The following PRSS27 variants were observed in gnomAD, a reference collection of about 807,000 sequenced individuals.
PRSS27 encodes channel-activating protease 2.
In PRSS27, 25 loss-of-function variants were observed where a neutral mutation model predicts 32.0. The observed-to-expected ratio is 0.78, with a 90% CI of 0.57 to 1.09. PRSS27 has a LOEUF of 1.09. Among genes scored for constraint, PRSS27 ranks in the 50% least tolerant of loss-of-function variants. PRSS27 has a pLI of 0.00. For synonymous variants in PRSS27, 178 were observed against 172.2 expected, an observed-to-expected ratio of 1.03 and a Z score of -0.26; for missense variants, 401 against 394.9, an observed-to-expected ratio of 1.02 and a Z score of -0.13.
intron 3 of PRSS27, 51 bp downstream of exon 3, chr16:2,715,667 G>A (rs2067696425): frequency 6.8e-7 from 1 of 1,478,610 alleles, no homozygotes; most frequent in Non-Finnish European, 9.1e-7. Flanking sequence ...AACCGGTCGC[G>A]CGCGGGGCGC....
rs74375707 is a variant in PRSS27, at chr16:2,719,134, G to A, written c.46+981C>T. Among the ~76,000 whole-genome samples, 405 of 152,304 alleles carry A rather than the reference G, an allele frequency of 2.7e-3. 27 individuals carry two copies. In the East Asian group the frequency reaches 0.073, roughly 27 times the overall value. ...CTCTGGTCACAGCTGTTAGTGAACC[G>A]ACTGCAAAACTCATTGCCAAAGAGT... On this transcript the variant is annotated intron_variant, in intron 1 of 5. Transcript: ENST00000302641.
Position 2,714,423 on chromosome 16 carries a change from C to T in PRSS27, c.237-87G>A, listed in dbSNP as rs759900087. On this transcript the variant is annotated intron_variant, in intron 3 of 5. Coordinates refer to ENST00000302641, the MANE Select transcript of PRSS27 (RefSeq NM_031948.5). The surrounding 1 kb of genome is among the most constrained non-coding windows in gnomAD (Gnocchi z 4.7). ...GGGCTGGGGCTCCTCTGGCCACCAC[C>T]GTGCCCCACACCTCTCTCTGCACAA... is the stretch of plus-strand genomic sequence containing the variant. 12 of 1,433,688 alleles carry T rather than the reference C, an allele frequency of 8.4e-6. No homozygotes were observed. Among genetic ancestry groups the T allele is most frequent in the African/African-American group, 2.8e-5 (2 of 71,678 alleles). The allele number at this position is 1,433,688 out of a possible 1,614,324, so 88.8% of individuals were successfully genotyped here.
In PRSS27 at chr16:2,717,240, C is replaced by T. The variant is rs2142067727; in HGVS notation, c.47-714G>A. 6.6e-6 allele frequency: 1 copy of T among 152,380 alleles called. No individual in the cohort carries two copies. Among genetic ancestry groups the T allele is most frequent in the East Asian group, 1.9e-4 (1 of 5,184 alleles). 9.4% of individuals were successfully genotyped at this position (152,380 alleles called of 1,614,324 possible). A position where few individuals can be genotyped will look rare whatever the true frequency, so the allele number is the denominator to read the frequency against. ...CCCCCTGCTGGGCTGTGCAAGGGGG[C>T]TTTGGAGCGGATAAAGTGAGGGGCC... On this transcript the variant is annotated intron_variant, in intron 1 of 5. Transcript: ENST00000302641. This position sits in a 1 kb window ranked among gnomAD's most constrained non-coding sequence, Gnocchi z 4.1.
At chr16:2,718,530 G>A (rs1350275148) in intron 1 of PRSS27, 1 of 152,048 alleles carries the variant, frequency 6.6e-6, no homozygotes, top group Non-Finnish European at 1.5e-5. Flanking sequence ...TGTTTGCCAG[G>A]ATAGTCTCGA....
chr16:2,712,683 G>C lies in PRSS27; in HGVS notation c.810C>G (p.Asn270Lys), dbSNP rs371709843. 1.3e-6 allele frequency: 2 copies of C among 1,599,358 alleles called. No homozygotes were observed. The highest frequency in any genetic ancestry group is 1.7e-6 in the Non-Finnish European group (2 of 1,172,966). ...GTTTGGGGATGATCCGATGGATCCAGTTGTGGTGGGCGGTGACACGGATGT... is the reference window on the plus strand; with the variant it reads ...GTTTGGGGATGATCCGATGGATCCACTTGTGGTGGGCGGTGACACGGATGT... ...GVYIRVTAHHNWIHRIIPKLQ... is the reference protein window; with the variant it reads ...GVYIRVTAHHKWIHRIIPKLQ... Residue 270 changes from asparagine to lysine, a missense_variant, in exon 6 of 6, where the codon AAC (asparagine) becomes AAG (lysine). Asn to Lys is a moderately conservative substitution (Grantham distance 94, BLOSUM62 0). Coordinates refer to ENST00000302641, the MANE Select transcript of PRSS27 (RefSeq NM_031948.5). This position sits in a 1 kb window ranked among gnomAD's most constrained non-coding sequence, Gnocchi z 4.6.
Position 2,712,524 on chromosome 16 carries a change from C to T in PRSS27, c.*96G>A. 9.6e-7 allele frequency: 1 copy of T among 1,044,540 alleles called. No homozygotes were observed. Among genetic ancestry groups the T allele is most frequent in the East Asian group, 2.8e-5 (1 of 36,082 alleles). 64.7% of individuals were successfully genotyped at this position (1,044,540 alleles called of 1,614,324 possible). Reference sequence around the variant, plus strand: ...TTACAAATGAGTCTGGTGGGGCTCACAGGTGCAACAGCAGCGCTGGGAGGA... The same window carrying T: ...TTACAAATGAGTCTGGTGGGGCTCATAGGTGCAACAGCAGCGCTGGGAGGA... On this transcript the variant is annotated 3_prime_UTR_variant, in exon 6 of 6. Coordinates refer to ENST00000302641, the MANE Select transcript of PRSS27 (RefSeq NM_031948.5). The surrounding 1 kb of genome is among the most constrained non-coding windows in gnomAD (Gnocchi z 4.6).
Position 2,713,556 on chromosome 16 carries a change from G to T in PRSS27, c.651C>A (p.Phe217Leu). Residue 217 changes from phenylalanine (F) to leucine (L), a missense_variant, in exon 5 of 6, where the codon TTC becomes TTA. Phe to Leu is a conservative substitution (Grantham distance 22). Coordinates refer to ENST00000302641, the MANE Select transcript of PRSS27 (RefSeq NM_031948.5). ...TGCAGGCATCCTTCTTGCCCTCCTCGAAGCCGGCGCACAGCATGTCATTCT... is the reference window on the plus strand; with the variant it reads ...TGCAGGCATCCTTCTTGCCCTCCTCTAAGCCGGCGCACAGCATGTCATTCT... ...TIKNDMLCAG[F>L]EEGKKDACKG... 6.2e-7 allele frequency: 1 copy of T among 1,614,186 alleles called. No homozygotes were observed. Among genetic ancestry groups the T allele is most frequent in the Non-Finnish European group, 8.5e-7 (1 of 1,180,030 alleles).
rs1236989276 is a variant in PRSS27 at position 2,720,149 on chromosome 16, C to T, written c.12G>A (p.Pro4=). ...GCAGCAGCAGGAGCGGCACCGCCGCCGGCCGCCTCATGTCCTCAGGCCTGG... is the reference window on the plus strand; with the variant it reads ...GCAGCAGCAGGAGCGGCACCGCCGCTGGCCGCCTCATGTCCTCAGGCCTGG... MRR[P]AAVPLLLLLC... is the part of the protein sequence containing the mutation. Residue 4 remains proline, a synonymous_variant, in exon 1 of 6, where the codon CCG becomes CCA. Coordinates refer to ENST00000302641, the MANE Select transcript of PRSS27 (RefSeq NM_031948.5). 1 of 1,600,070 alleles carries T rather than the reference C, an allele frequency of 6.2e-7. No homozygotes were observed. Among genetic ancestry groups the T allele is most frequent in the Non-Finnish European group, 8.5e-7 (1 of 1,173,978 alleles).
chr16:2,714,901 T>A lies in PRSS27; in HGVS notation c.237-565A>T, dbSNP rs2067691364. The A allele has an allele frequency of 1.3e-5, 2 of 154,136 alleles. No homozygotes were observed. The highest frequency in any genetic ancestry group is 2.4e-5 in the African/African-American group (1 of 41,402). 9.5% of individuals were successfully genotyped at this position (154,136 alleles called of 1,614,324 possible). A position where few individuals can be genotyped will look rare whatever the true frequency, so the allele number is the denominator to read the frequency against. ...CCACAGGCACCACTGCACCTGGGGT[T>A]TTTTTGTTTGTTTGTTTTTTGTTTT... On this transcript the variant is annotated intron_variant, in intron 3 of 5. Coordinates refer to ENST00000302641, the MANE Select transcript of PRSS27 (RefSeq NM_031948.5). The surrounding 1 kb of genome is among the most constrained non-coding windows in gnomAD (Gnocchi z 4.7).
chr16:2,720,112 C>T lies in PRSS27; in HGVS notation c.46+3G>A, dbSNP rs372145715. On this transcript the variant is annotated splice_donor_region_variant and intron_variant, in intron 1 of 5. Coordinates refer to ENST00000302641, the MANE Select transcript of PRSS27 (RefSeq NM_031948.5). ...ACCAGGACCCTGCACCTTCACGACT[C>T]ACCAAAACACAGCAGCAGCAGGAGC... 2.1e-5 allele frequency: 34 copies of T among 1,602,086 alleles called. No individual in the cohort carries two copies. In the African/African-American group the frequency reaches 4.4e-4, roughly 21 times the overall value.
chr16:2,715,939 C>T, intron 2 of PRSS27, 59 bp from the exon 3 acceptor site: 1 of 1,415,308 alleles, frequency 7.1e-7, no homozygotes, highest in Admixed American at 2.0e-5. Context: ...ATGGCCGAGG[C>T]CCAGCTCTCA....
rs750084502 is a variant in PRSS27, at chr16:2,714,369, G to T, written c.237-33C>A. 55 of 1,604,644 alleles carry T rather than the reference G, an allele frequency of 3.4e-5. No homozygotes were observed. The highest frequency in any genetic ancestry group is 4.4e-5 in the Non-Finnish European group (52 of 1,178,958). Reference sequence around the variant, plus strand: ...GAGAAACAGAGAGGCGGCGTGAGGCGGCCCCTCGTGTGGGGACAGGCCCGG... The same window carrying T: ...GAGAAACAGAGAGGCGGCGTGAGGCTGCCCCTCGTGTGGGGACAGGCCCGG... On this transcript the variant is annotated intron_variant, in intron 3 of 5. Coordinates refer to ENST00000302641, the MANE Select transcript of PRSS27 (RefSeq NM_031948.5). This position sits in a 1 kb window ranked among gnomAD's most constrained non-coding sequence, Gnocchi z 4.7.
chr16:2,714,547 G>A lies in PRSS27; in HGVS notation c.237-211C>T. On this transcript the variant is annotated intron_variant, in intron 3 of 5. Transcript: ENST00000302641. The surrounding 1 kb of genome is among the most constrained non-coding windows in gnomAD (Gnocchi z 4.7). ...ACTCAGATTTCCACCTCCACCCCTG[G>A]CCGCTGTGTGGCCTTGGGCAAGTCA... 2 of 613,238 alleles carry A rather than the reference G, an allele frequency of 3.3e-6. No homozygotes were observed. The highest frequency in any genetic ancestry group is 5.8e-6 in the Non-Finnish European group (2 of 345,030). The allele number at this position is 613,238 out of a possible 1,614,324, so 38.0% of individuals were successfully genotyped here.
chr16:2,715,614 T>C, intron 3 of PRSS27, 104 bp downstream of exon 3: 4 of 909,036 alleles, frequency 4.4e-6, no homozygotes, highest in Non-Finnish European at 6.3e-6. Flanking sequence ...CCCAGGGAGG[T>C]CACCCGCAGG....
chr16:2,719,985 G>T, intron 1 of PRSS27, 130 bp downstream of exon 1: 1 of 851,062 alleles, frequency 1.2e-6, no homozygotes, highest in Non-Finnish European at 1.8e-6. Context: ...CTCAGGGGCA[G>T]GAGGGATGAT....
At chr16:2,716,026 G>A (rs568716500) in intron 2 of PRSS27, 146 bp from the exon 3 acceptor site, 218 of 656,154 alleles carry the variant, frequency 3.3e-4, no homozygotes, top group Middle Eastern at 1.3e-3. Context: ...CCTGGGCTTC[G>A]GGGCAGTCTG....
chr16:2,716,085 C>A (rs1402585117), intron 2 of PRSS27: 2 of 540,866 alleles, frequency 3.7e-6, no homozygotes, highest in African/African-American at 1.9e-5. Context: ...TCACTCTCCT[C>A]GCCGAGAAAG....
intron 2 of PRSS27, chr16:2,716,166 G>C (rs1004104248): frequency 1.1e-5 from 6 of 556,906 alleles, no homozygotes; most frequent in Non-Finnish European, 1.9e-5. Context: ...TTGTCCCAGG[G>C]CCTGACCCAA....
chr16:2,715,684 C>T (rs2067696674), intron 3 of PRSS27, 34 bp downstream of exon 3: 2 of 1,532,402 alleles, frequency 1.3e-6, no homozygotes, highest in South Asian at 2.4e-5. Flanking sequence ...GCGCTGTCAG[C>T]GCTATGGGCG....
Sources: allele counts gnomAD v4.1 joint callset (sites outside exome capture counted in the v4.1 genomes callset), GRCh38; gene constraint gnomAD v4.1.1; non-coding constraint Gnocchi (gnomAD v3.1); transcripts MANE v1.5; gene names NCBI Gene and HGNC (gene_info 2026-07-23, HGNC 2026-07-21).